INVS: variants seen among roughly 807,000 people sequenced by gnomAD.
INVS encodes the protein inversion of embryo turning homolog.
In INVS, 86 loss-of-function variants were observed where a neutral mutation model predicts 108.8. That is an observed-to-expected ratio of 0.79 (90% CI 0.66 to 0.95). The LOEUF (loss-of-function observed/expected upper bound fraction) is 0.95, where lower values mean the gene tolerates loss of function less well. Among genes scored for constraint, INVS ranks in the 40% least tolerant of loss-of-function variants. The pLI is 0.00. For synonymous variants in INVS, 455 were observed against 473.5 expected (o/e 0.96, Z 0.51); for missense variants, 1,169 against 1,297.4 (o/e 0.90, Z 1.52).
In INVS at chr9:100,257,355, G is replaced by C. The variant is rs191690245; in HGVS notation, c.1464+4219G>C. Among the ~76,000 whole-genome samples, 206 of 151,228 alleles carry C rather than the reference G, an allele frequency of 1.4e-3. 1 individual carries two copies. The highest frequency in any genetic ancestry group is 2.2e-3 in the Non-Finnish European group (149 of 67,382). On this transcript the variant is annotated intron_variant, in intron 10 of 16. Transcript: ENST00000262457. ...TACAGCACACTGATGGGTCTTGACTGTATCCAATTTGCCAGTCTGTGTCTT... is the reference window on the plus strand; with the variant it reads ...TACAGCACACTGATGGGTCTTGACTCTATCCAATTTGCCAGTCTGTGTCTT...
intron 11 of INVS, among the ~76,000 whole-genome samples, chr9:100,266,607 A>C (rs573361961): frequency 1.4e-4 from 21 of 152,292 alleles, no homozygotes; most frequent in African/African-American, 5.1e-4. Flanking sequence ...CTGTTTTATC[A>C]GCAAGGTCTT....
At chr9:100,170,393 CA>C (rs10585469) in intron 3 of INVS, among the ~76,000 whole-genome samples, 209 of 122,836 alleles carry the variant, frequency 1.7e-3, no homozygotes, top group African/African-American at 4.6e-3. Flanking sequence ...CCTGTCTGTA[CA>C]AAAAAAAAAA....
chr9:100,203,341 C>G (rs150940582), intron 3 of INVS, among the ~76,000 whole-genome samples: 1 of 151,890 alleles, frequency 6.6e-6, no homozygotes, highest in African/African-American at 2.4e-5. Context: ...ACTGTAGTCT[C>G]GGGTAACTTT....
intron 12 of INVS, among the ~76,000 whole-genome samples, chr9:100,273,951 T>C (rs184509295): frequency 6.6e-6 from 1 of 152,220 alleles, no homozygotes; most frequent in Admixed American, 6.5e-5. Context: ...AGAGAGAAAA[T>C]GGCAACTAAA....
At chr9:100,158,412 G>A (rs1054896077) in intron 3 of INVS, among the ~76,000 whole-genome samples, 6 of 152,112 alleles carry the variant, frequency 3.9e-5, no homozygotes, top group Non-Finnish European at 8.8e-5. Context: ...ATTGTTCTTG[G>A]AGTTGGACCT....
At chr9:100,183,022 G>A (rs1829942327) in intron 3 of INVS, among the ~76,000 whole-genome samples, 1 of 152,070 alleles carries the variant, frequency 6.6e-6, no homozygotes. Flanking sequence ...ACTAACACAG[G>A]AACAGAAAAC....
chr9:100,145,422 T>C (rs1396911567), intron 3 of INVS, among the ~76,000 whole-genome samples: 2 of 150,096 alleles, frequency 1.3e-5, no homozygotes, highest in Admixed American at 1.3e-4. Flanking sequence ...AAATAAGGGA[T>C]TGGGGTGCAA....
chr9:100,153,889 A>G (rs1828884306), intron 3 of INVS, among the ~76,000 whole-genome samples: 1 of 152,164 alleles, frequency 6.6e-6, no homozygotes, highest in Non-Finnish European at 1.5e-5. Context: ...TGGCCTAATC[A>G]CCTGTTAGGG....
At chr9:100,194,267 A>G (rs1342553134) in intron 3 of INVS, among the ~76,000 whole-genome samples, 2 of 152,198 alleles carry the variant, frequency 1.3e-5, no homozygotes, top group African/African-American at 4.8e-5. Context: ...CATTTGAGCC[A>G]TTCTAAATAA....
At chr9:100,112,833 C>T (rs1347799438) in intron 2 of INVS, among the ~76,000 whole-genome samples, 2 of 152,188 alleles carry the variant, frequency 1.3e-5, no homozygotes, top group Admixed American at 1.3e-4. Flanking sequence ...GCCTCTGTTT[C>T]TCAGCACTTA....
At chr9:100,164,407 G>GT (rs140877027) in intron 3 of INVS, among the ~76,000 whole-genome samples, 15 of 149,822 alleles carry the variant, frequency 1.0e-4, no homozygotes, top group Non-Finnish European at 1.3e-4. Context: ...TTGACACTAA[G>GT]TTTTTTTTTT....
chr9:100,157,679 CA>C (rs1207968919), intron 3 of INVS, among the ~76,000 whole-genome samples: 1 of 152,184 alleles, frequency 6.6e-6, no homozygotes. Flanking sequence ...AGTTCAAAAA[CA>C]GACTTTTTAA....
chr9:100,113,935 C>G (rs1827425485), intron 2 of INVS, among the ~76,000 whole-genome samples: 1 of 152,264 alleles, frequency 6.6e-6, no homozygotes, highest in South Asian at 2.1e-4. Flanking sequence ...GGCCAAGATA[C>G]CTTGGAAGTA....
intron 3 of INVS, among the ~76,000 whole-genome samples, chr9:100,191,874 T>G (rs946735931): frequency 2.0e-5 from 3 of 152,176 alleles, no homozygotes; most frequent in Admixed American, 6.5e-5. Flanking sequence ...TTATTCCCCC[T>G]TAAGGATGTA....
intron 5 of INVS, among the ~76,000 whole-genome samples, chr9:100,237,587 G>A (rs906585079): frequency 2.0e-5 from 3 of 152,098 alleles, no homozygotes; most frequent in Admixed American, 6.5e-5. Flanking sequence ...TGTGCATCAC[G>A]GCTTCCCTTG....
rs779308268 is a variant in INVS at position 100,302,149 on chromosome 9, G to GATCGA, written c.*1477_*1478insCGAAT. Reference sequence around the variant, plus strand: ...TCAGTCTTTTTCTTCAAATAAGATAGATGTGAATAAACAACTTCAAACAGG... The same window carrying GATCGA: ...TCAGTCTTTTTCTTCAAATAAGATAGATCGAATGTGAATAAACAACTTCAAACAGG... On this transcript the variant is annotated 3_prime_UTR_variant, in exon 17 of 17. Coordinates refer to ENST00000262457, the MANE Select transcript of INVS (RefSeq NM_014425.5). 9.3e-6 allele frequency: 11 copies of GATCGA among 1,185,710 alleles called. No individual in the cohort carries two copies. The highest frequency in any genetic ancestry group is 1.3e-5 in the Non-Finnish European group (11 of 837,386). The allele number at this position is 1,185,710 out of a possible 1,614,324, so 73.4% of individuals were successfully genotyped here. A position where few individuals can be genotyped will look rare whatever the true frequency, so the allele number is the denominator to read the frequency against.
At chr9:100,105,850 C>CTTTTTTTTTTTTTTTT (rs543070811) in intron 2 of INVS, among the ~76,000 whole-genome samples, 18 of 63,796 alleles carry the variant, frequency 2.8e-4, no homozygotes, top group Non-Finnish European at 3.4e-4. Flanking sequence ...GAAAAATTCC[C>CTTTTTTTTTTTTTTTT]TTTTTTTTTT....
chr9:100,289,959 T>G (rs896010791), intron 13 of INVS, among the ~76,000 whole-genome samples: 5 of 152,252 alleles, frequency 3.3e-5, no homozygotes, highest in Non-Finnish European at 7.3e-5. Context: ...CCAAAGTGGA[T>G]GTACCATTTT....
At chr9:100,299,681 C>CACACACA (rs1379318063) in intron 16 of INVS, among the ~76,000 whole-genome samples, 2 of 120,790 alleles carry the variant, frequency 1.7e-5, no homozygotes, top group Non-Finnish European at 3.4e-5. Flanking sequence ...CACACACACA[C>CACACACA]CTGGGCCTAT....
Sources: allele counts gnomAD v4.1 joint callset (sites outside exome capture counted in the v4.1 genomes callset), GRCh38; gene constraint gnomAD v4.1.1; transcripts MANE v1.5; gene names NCBI Gene and HGNC (gene_info 2026-07-23, HGNC 2026-07-21).